The following NCKIPSD variants were observed in gnomAD, a reference collection of about 807,000 sequenced individuals.
The protein encoded by NCKIPSD is NCK interacting protein with SH3 domain.
A neutral mutation model predicts 73.4 loss-of-function variants in NCKIPSD; 48 were observed. The observed-to-expected ratio is 0.65, with a 90% CI of 0.52 to 0.83. The LOEUF (loss-of-function observed/expected upper bound fraction) is 0.83, where lower values mean the gene tolerates loss of function less well. Among genes scored for constraint, NCKIPSD ranks in the 40% least tolerant of loss-of-function variants. The pLI is 0.00. For synonymous variants in NCKIPSD, 422 were observed against 403.6 expected (o/e 1.05, Z -0.54); for missense variants, 884 against 970.2 (o/e 0.91, Z 1.18).
chr3:48,675,193 C>T (rs1197713790), intron 12 of NCKIPSD, among the ~76,000 whole-genome samples: 1 of 152,106 alleles, frequency 6.6e-6, no homozygotes, highest in African/African-American at 2.4e-5. Flanking sequence ...ATCTCCTGCA[C>T]ATGTGACAGA....
intron 1 of NCKIPSD, 107 bp from the exon 2 acceptor site, chr3:48,683,119 C>A: frequency 6.5e-7 from 1 of 1,527,924 alleles, no homozygotes; most frequent in Non-Finnish European, 8.8e-7. Flanking sequence ...ATAGCGAAAG[C>A]CTGGAATGCT....
chr3:48,679,016 C>T, intron 10 of NCKIPSD, 39 bp downstream of exon 10: 3 of 1,614,096 alleles, frequency 1.9e-6, no homozygotes, highest in Non-Finnish European at 2.5e-6. Context: ...CTGAGAGCCA[C>T]CATGTGCTCA....
At position 48,682,173 on chromosome 3, in the gene NCKIPSD, G is replaced by C. The variant is rs775332584; in HGVS notation, c.487-17C>G. On this transcript the variant is annotated splice_polypyrimidine_tract_variant and intron_variant, in intron 3 of 12. Coordinates refer to ENST00000294129, the MANE Select transcript of NCKIPSD (RefSeq NM_016453.4). ...AAGTGGGATCTGGAAGATGGAAGTA[G>C]GATCTTGGAGGACAGACTGACATCT... 1 of 1,590,788 alleles carries C rather than the reference G, an allele frequency of 6.3e-7. No homozygotes were observed. The highest frequency in any genetic ancestry group is 8.5e-7 in the Non-Finnish European group (1 of 1,174,320).
At chr3:48,682,797 G>T in intron 2 of NCKIPSD, 106 bp downstream of exon 2, 1 of 1,454,048 alleles carries the variant, frequency 6.9e-7, no homozygotes. Context: ...CACCACCCTT[G>T]CCAACCCTCG....
At chr3:48,676,506 G>C (rs1274485288) in intron 12 of NCKIPSD, among the ~76,000 whole-genome samples, 4 of 152,160 alleles carry the variant, frequency 2.6e-5, no homozygotes, top group Admixed American at 6.5e-5. Context: ...AAAGAGACAA[G>C]GTCTGGCTTT....
At position 48,675,528 on chromosome 3, in the gene NCKIPSD, G is replaced by GATATAT. The variant is rs5848856; in HGVS notation, c.1966-787_1966-782dup. Among the ~76,000 whole-genome samples, 537 of 122,264 alleles carry GATATAT rather than the reference G, an allele frequency of 4.4e-3. 4 individuals are homozygous for GATATAT. Among genetic ancestry groups the GATATAT allele is most frequent in the African/African-American group, 9.2e-3 (285 of 31,126 alleles). 80.2% of individuals were successfully genotyped at this position (122,264 alleles called of 152,430 possible). ...ATATATCATATATATATATATATAT[G>GATATAT]ATATATATATATATATATCATTTTT... is the stretch of plus-strand genomic sequence containing the variant. On this transcript the variant is annotated intron_variant, in intron 12 of 12. Transcript: ENST00000294129.
chr3:48,684,987 G>A (rs912523304), intron 1 of NCKIPSD, among the ~76,000 whole-genome samples: 5 of 151,790 alleles, frequency 3.3e-5, no homozygotes, highest in African/African-American at 1.2e-4. Context: ...GAGCTTAGAG[G>A]GTGGCTGAAC....
chr3:48,681,236 G>T, intron 5 of NCKIPSD, 51 bp downstream of exon 5: 2 of 1,518,856 alleles, frequency 1.3e-6, no homozygotes, highest in African/African-American at 2.8e-5. Context: ...GTGTGTGACG[G>T]TGGGAACAGG....
Position 48,685,650 on chromosome 3 carries a change from A to C in NCKIPSD, c.158T>G (p.Leu53Arg). ...GETGYVPPAY[L>R]RRLQGLEQDV... ...GGGCGCACTCACCTGCAGGCGGCGC[A>C]GGTAGGCTGGCGGCACGTAGCCCGT... The change falls in exon 1 of 13, where the codon CTG (leucine) becomes CGG (arginine). Residue 53 changes from leucine (L) to arginine (R), a missense_variant. Coordinates refer to ENST00000294129, the MANE Select transcript of NCKIPSD (RefSeq NM_016453.4). 6.6e-7 allele frequency: 1 copy of C among 1,523,172 alleles called. No individual in the cohort carries two copies. Among genetic ancestry groups the C allele is most frequent in the Non-Finnish European group, 8.8e-7 (1 of 1,141,360 alleles). The allele number at this position is 1,523,172 out of a possible 1,614,324, so 94.4% of individuals were successfully genotyped here.
chr3:48,679,766 C>G (rs2077317960), intron 7 of NCKIPSD, 35 bp downstream of exon 7: 1 of 1,614,216 alleles, frequency 6.2e-7, no homozygotes, highest in East Asian at 2.2e-5. Context: ...CTATCTAGGT[C>G]TCTCCATTAC....
Position 48,682,935 on chromosome 3 carries a change from G to A in NCKIPSD, c.249C>T (p.Gly83=). The A allele has an allele frequency of 6.4e-7, 1 of 1,553,010 alleles. No homozygotes were observed. Residue 83 remains glycine, a synonymous_variant, in exon 2 of 13, where the codon GGC becomes GGT. Coordinates refer to ENST00000294129, the MANE Select transcript of NCKIPSD (RefSeq NM_016453.4). ...AVHNTAMRDG[G]KYSLEQRGVL... is the part of the protein sequence containing the mutation. ...CTCCACGCTGTTCCAGGCTGTACTT[G>A]CCACCATCCCGCATGGCTGTGTTGT...
rs779589441 is a variant in NCKIPSD at position 48,679,163 on chromosome 3, C to T, written c.1591G>A (p.Ala531Thr). The T allele has an allele frequency of 6.8e-6, 11 of 1,613,900 alleles. No homozygotes were observed. The highest frequency in any genetic ancestry group is 5.0e-5 in the Admixed American group (3 of 59,984). The part of the protein sequence containing the change: ...AHYEHLGTPF[A>T]QFLLNIVEDG... Reference sequence around the variant, plus strand: ...TCGACGATGTTCAGTAGGAACTGGGCGAAAGGCGTGCCCAGGTGCTCTGGG... The same window carrying T: ...TCGACGATGTTCAGTAGGAACTGGGTGAAAGGCGTGCCCAGGTGCTCTGGG... The change falls in exon 10 of 13, where the codon GCC becomes ACC. Residue 531 changes from alanine to threonine, a missense_variant. Transcript: ENST00000294129.
At chr3:48,683,985 C>G (rs2077395645) in intron 1 of NCKIPSD, among the ~76,000 whole-genome samples, 1 of 141,344 alleles carries the variant, frequency 7.1e-6, no homozygotes, top group African/African-American at 2.9e-5. Flanking sequence ...TGAAGACACA[C>G]ACACACACAC....
At chr3:48,684,235 G>C (rs986297568) in intron 1 of NCKIPSD, among the ~76,000 whole-genome samples, 7 of 152,170 alleles carry the variant, frequency 4.6e-5, no homozygotes, top group African/African-American at 1.4e-4. Flanking sequence ...CACGCAGAAA[G>C]AAACAGACAG....
chr3:48,682,514 C>G lies in NCKIPSD; in HGVS notation c.320G>C (p.Arg107Thr), dbSNP rs2077371306. 6.2e-7 allele frequency: 1 copy of G among 1,614,170 alleles called. No homozygotes were observed. Among genetic ancestry groups the G allele is most frequent in the Non-Finnish European group, 8.5e-7 (1 of 1,180,012 alleles). The change falls in exon 3 of 13, where the codon AGA becomes ACA. Residue 107 changes from arginine (R) to threonine (T), a missense_variant. Arg to Thr is a moderately conservative substitution (Grantham distance 71). Coordinates refer to ENST00000294129, the MANE Select transcript of NCKIPSD (RefSeq NM_016453.4). ...TGCAACACTGGAGGCTGAAGGGCCT[C>G]TGCGTGACAGGGTCTCTTTCCGGTG... ...IHHRKETLSR[R>T]GPSASSVAVM...
In NCKIPSD at chr3:48,674,593, A is replaced by G; in HGVS notation, c.2120T>C (p.Val707Ala). Residue 707 changes from valine (V) to alanine (A), a missense_variant, in exon 13 of 13, where the codon GTC (valine) becomes GCC (alanine). Val to Ala is a moderately conservative substitution (Grantham distance 64). Coordinates refer to ENST00000294129, the MANE Select transcript of NCKIPSD (RefSeq NM_016453.4). ...SPQCQMDRMI[V>A]REMCKEFLVL... ...CAGGAATTCCTTGCACATCTCTCGG[A>G]CAATCATGCGGTCCATCTGGCACTG... 6.2e-7 allele frequency: 1 copy of G among 1,609,326 alleles called. No individual in the cohort carries two copies. Among genetic ancestry groups the G allele is most frequent in the East Asian group, 2.2e-5 (1 of 44,816 alleles).
In NCKIPSD at chr3:48,681,237, T is replaced by C. The variant is rs781359460; in HGVS notation, c.1092+50A>G. ...TACAGGCTGGACAAGTGTGTGACGG[T>C]GGGAACAGGGTGGGTAGCAGGGTGG... On this transcript the variant is annotated intron_variant, in intron 5 of 12. Transcript: ENST00000294129. The C allele has an allele frequency of 2.3e-5, 35 of 1,518,306 alleles. 1 individual carries two copies. In the South Asian group the frequency reaches 3.8e-4, roughly 16 times the overall value. 94.1% of individuals were successfully genotyped at this position (1,518,306 alleles called of 1,614,324 possible).
At chr3:48,677,488 T>C (rs1302669779) in intron 12 of NCKIPSD, among the ~76,000 whole-genome samples, 1 of 152,182 alleles carries the variant, frequency 6.6e-6, no homozygotes, top group South Asian at 2.1e-4. Flanking sequence ...TTCCCCTTAA[T>C]AGAAAATTCA....
chr3:48,675,509 C>CATATAT (rs35007879), intron 12 of NCKIPSD, among the ~76,000 whole-genome samples: 2,245 of 110,350 alleles, frequency 0.02, 79 homozygotes, highest in African/African-American at 0.081. Context: ...ATATATATAT[C>CATATAT]ATATATATAT....
Sources: allele counts gnomAD v4.1 joint callset (sites outside exome capture counted in the v4.1 genomes callset), GRCh38; gene constraint gnomAD v4.1.1; transcripts MANE v1.5; gene names NCBI Gene and HGNC (gene_info 2026-07-23, HGNC 2026-07-21).